ZNF496: variants seen among roughly 807,000 people sequenced by gnomAD.
ZNF496 encodes zinc finger protein 496, also known as NSD1 (nuclear receptor binding SET-domain containing 1)-interacting zinc finger protein 1.
ZNF496 carries 11 observed loss-of-function variants against 58.9 expected under a neutral mutation model. The observed-to-expected ratio is 0.19, with a 90% CI of 0.12 to 0.31. ZNF496 has a LOEUF of 0.31. Ranked by LOEUF, ZNF496 falls within the 10% of genes least tolerant of loss-of-function variation. The probability of loss-of-function intolerance (pLI) is 1.00; values close to 1 mark genes in which losing one functional copy is unlikely to be tolerated. For synonymous variants in ZNF496, 338 were observed against 318.2 expected (o/e 1.06, Z -0.66); for missense variants, 660 against 783.0 (o/e 0.84, Z 1.88).
chr1:247,317,705 C>A (rs1318749619), intron 6 of ZNF496, among the ~76,000 whole-genome samples: 1 of 152,244 alleles, frequency 6.6e-6, no homozygotes. Flanking sequence ...CAGGTAATAA[C>A]AAGTGGTGGC....
chr1:247,310,190 T>C (rs1659556874), intron 7 of ZNF496, 134 bp downstream of exon 7: 7 of 1,491,328 alleles, frequency 4.7e-6, no homozygotes, highest in East Asian at 2.4e-5. Flanking sequence ...CCTGTCCAGG[T>C]TGGGGGTGAA....
Position 247,305,432 on chromosome 1 carries a change from T to C in ZNF496, c.1006+3043A>G, listed in dbSNP as rs181025161. Among the ~76,000 whole-genome samples the C allele has an allele frequency of 2.0e-5, 3 of 152,358 alleles. No individual in the cohort carries two copies. The East Asian group carries it at 5.8e-4, about 29-fold the overall frequency. Reference sequence around the variant, plus strand: ...GAAATTGCCCAAGGTTTCAGGGGAATTGAGCCAGTGGAGATGGGACCAGGG... The same window carrying C: ...GAAATTGCCCAAGGTTTCAGGGGAACTGAGCCAGTGGAGATGGGACCAGGG... On this transcript the variant is annotated intron_variant, in intron 9 of 9. Coordinates refer to ENST00000682384, the MANE Select transcript of ZNF496 (RefSeq NM_032752.3).
chr1:247,326,394 T>A (rs1394626413), intron 5 of ZNF496, among the ~76,000 whole-genome samples: 1 of 152,192 alleles, frequency 6.6e-6, no homozygotes, highest in African/African-American at 2.4e-5. Flanking sequence ...CTATTGATTA[T>A]TGCTCATGGA....
At chr1:247,331,067 G>T (rs1660309166) in intron 2 of ZNF496, among the ~76,000 whole-genome samples, 1 of 152,118 alleles carries the variant, frequency 6.6e-6, no homozygotes, top group Non-Finnish European at 1.5e-5. Context: ...GCCCCCTGCG[G>T]CGCCCATCAC....
In ZNF496 at chr1:247,309,996, T is replaced by G; in HGVS notation, c.785-190A>C. The G allele has an allele frequency of 7.2e-7, 1 of 1,382,252 alleles. No homozygotes were observed. The highest frequency in any genetic ancestry group is 1.5e-5 in the South Asian group (1 of 65,178). 85.6% of individuals were successfully genotyped at this position (1,382,252 alleles called of 1,614,324 possible). ...GCACACGCAGGGAGAGCTATGGGCT[T>G]GGGGGTCTCTCTGAGGCTTTCGGGT... On this transcript the variant is annotated intron_variant, in intron 7 of 9. Transcript: ENST00000682384. This position sits in a 1 kb window ranked among gnomAD's most constrained non-coding sequence, Gnocchi z 4.3.
chr1:247,321,616 G>GGAAGAAACTATCACTGA (rs1659966326), intron 6 of ZNF496, among the ~76,000 whole-genome samples: 1 of 151,982 alleles, frequency 6.6e-6, no homozygotes, highest in Non-Finnish European at 1.5e-5. Flanking sequence ...ACTATCACTG[G>GGAAGAAACTATCACTGA]GAAGAAACTA....
At chr1:247,302,701 A>T (rs555541600) in intron 9 of ZNF496, among the ~76,000 whole-genome samples, 2 of 152,206 alleles carry the variant, frequency 1.3e-5, no homozygotes, top group South Asian at 4.1e-4. Context: ...ACCTCGTTCC[A>T]GCCAGACAGC....
intron 6 of ZNF496, chr1:247,311,417 ACACACACACAGAGACACAC>A (rs1659596658): frequency 9.4e-6 from 1 of 106,088 alleles, no homozygotes; most frequent in African/African-American, 3.4e-5. Flanking sequence ...AAAAAACAAA[ACACACACACAGAGACACAC>A]ACACACACAC....
intron 1 of ZNF496, 45 bp downstream of exon 1, chr1:247,331,725 CGGAGGCCGGGCGCGGGCCGA>C (rs1370861993): frequency 6.6e-6 from 1 of 150,770 alleles, no homozygotes; most frequent in African/African-American, 2.4e-5. Flanking sequence ...GGCGGCGCCG[CGGAGGCCGGGCGCGGGCCGA>C]GGAGGGCGGG....
rs184975303 is a variant in ZNF496, at chr1:247,302,151, A to G, written c.1007-875T>C. 2.6e-4 allele frequency among the ~76,000 whole-genome samples: 40 copies of G among 152,250 alleles called. No individual in the cohort carries two copies. In the East Asian group the frequency reaches 5.4e-3, roughly 21 times the overall value. ...CACTGCTGTGAAATGTAGAACTCAA[A>G]TCTAGAACTTGGGGGGAGTGAACCA... On this transcript the variant is annotated intron_variant, in intron 9 of 9. Transcript: ENST00000682384.
intron 9 of ZNF496, chr1:247,304,201 A>T: frequency 3.8e-6 from 1 of 264,926 alleles, no homozygotes; most frequent in Non-Finnish European, 7.7e-6. Flanking sequence ...CTCAGAGGTT[A>T]CAGGACTGCC....
In ZNF496 at chr1:247,308,795, T is replaced by G; in HGVS notation, c.893-207A>C. ...GGGCCAACTCCACAAACATGAGCTC[T>G]GACGCTAGACAGAATCGACGTAGAT... On this transcript the variant is annotated intron_variant, in intron 8 of 9. Transcript: ENST00000682384. This position sits in a 1 kb window ranked among gnomAD's most constrained non-coding sequence, Gnocchi z 4.5. The G allele has an allele frequency of 1.9e-6, 1 of 538,438 alleles. No homozygotes were observed. 33.4% of individuals were successfully genotyped at this position (538,438 alleles called of 1,614,324 possible).
rs746790114 is a variant in ZNF496, at chr1:247,301,135, C to T, written c.1148G>A (p.Arg383His). The change falls in exon 10 of 10, where the codon CGC (arginine) becomes CAC (histidine). Residue 383 changes from arginine to histidine, a missense_variant. Coordinates refer to ENST00000682384, the MANE Select transcript of ZNF496 (RefSeq NM_032752.3). ...GCTCCGGTGGGAGGCGGGGAGGCTG[C>T]GCTGCTTCTCTGTGGGGCTCCCCAG... The part of the protein sequence containing the change: ...EELGSPTEKQ[R>H]SLPASHRSST... 5.6e-6 allele frequency: 9 copies of T among 1,613,566 alleles called. No individual in the cohort carries two copies. The South Asian group carries it at 8.8e-5, about 16-fold the overall frequency.
intron 6 of ZNF496, among the ~76,000 whole-genome samples, chr1:247,316,047 G>T (rs1410414013): frequency 8.5e-6 from 1 of 117,728 alleles, no homozygotes; most frequent in African/African-American, 2.9e-5. Flanking sequence ...CTTGATGTTG[G>T]TTTCTTAAAT....
At position 247,328,801 on chromosome 1, in the gene ZNF496, C is replaced by T; in HGVS notation, c.456G>A (p.Glu152=). 6.2e-7 allele frequency: 1 copy of T among 1,613,630 alleles called. No individual in the cohort carries two copies. Among genetic ancestry groups the T allele is most frequent in the Non-Finnish European group, 8.5e-7 (1 of 1,179,816 alleles). The change falls in exon 5 of 10, where the codon GAG becomes GAA. Residue 152 remains glutamate, a synonymous_variant. Transcript: ENST00000682384. The part of the protein sequence containing the change: ...DGDSPLDQEQ[E]QLPVEPHSDL... ...CGCTGTGGGGCTCTACCGGCAGCTG[C>T]TCCTGCTCCTGGTCCAGAGGGCTGT...
chr1:247,330,130 A>G (rs1660270876), intron 2 of ZNF496, 49 bp from the exon 3 acceptor site: 1 of 152,314 alleles, frequency 6.6e-6, no homozygotes, highest in Admixed American at 6.5e-5. Flanking sequence ...CACATCCAGG[A>G]ATGGAAAATC....
At chr1:247,306,282 A>G (rs559476408) in intron 9 of ZNF496, among the ~76,000 whole-genome samples, 4 of 151,030 alleles carry the variant, frequency 2.6e-5, no homozygotes, top group South Asian at 4.2e-4. Flanking sequence ...TGCAACCTCT[A>G]CCTCCTGAGT....
rs778350643 is a variant in ZNF496 at position 247,309,909 on chromosome 1, T to C, written c.785-103A>G. 39 of 1,429,904 alleles carry C rather than the reference T, an allele frequency of 2.7e-5. No individual in the cohort carries two copies. The African/African-American group carries it at 2.8e-4, about 10-fold the overall frequency. 88.6% of individuals were successfully genotyped at this position (1,429,904 alleles called of 1,614,324 possible). A position where few individuals can be genotyped will look rare whatever the true frequency, so the allele number is the denominator to read the frequency against. On this transcript the variant is annotated intron_variant, in intron 7 of 9. Transcript: ENST00000682384. The surrounding 1 kb of genome is among the most constrained non-coding windows in gnomAD (Gnocchi z 4.3). ...AAGGCGGAGGGATGCCCAGCGGGCA[T>C]GGCACCATCAGGGGCGAGAAGTGAA... is the stretch of plus-strand genomic sequence containing the variant.
In ZNF496 at chr1:247,329,655, C is replaced by T; in HGVS notation, c.-37-40G>A. ...AAATCACTGGCTTCAGTGTTCTGGT[C>T]TCCTGTGGTCATTTCTGGGGGACAG... On this transcript the variant is annotated intron_variant, in intron 3 of 9. Coordinates refer to ENST00000682384, the MANE Select transcript of ZNF496 (RefSeq NM_032752.3). This position sits in a 1 kb window ranked among gnomAD's most constrained non-coding sequence, Gnocchi z 5.5. The T allele has an allele frequency of 2.0e-6, 3 of 1,495,740 alleles. No individual in the cohort carries two copies. The highest frequency in any genetic ancestry group is 2.7e-6 in the Non-Finnish European group (3 of 1,122,488). 92.7% of individuals were successfully genotyped at this position (1,495,740 alleles called of 1,614,324 possible). A position where few individuals can be genotyped will look rare whatever the true frequency, so the allele number is the denominator to read the frequency against.
Sources: gnomAD v4.1 joint callset for allele counts (sites outside exome capture counted in the v4.1 genomes callset) on GRCh38, gnomAD v4.1.1 for gene constraint, Gnocchi (gnomAD v3.1) non-coding constraint, MANE v1.5 for transcripts, NCBI Gene and HGNC (gene_info 2026-07-23, HGNC 2026-07-21) for gene names.